The following FANCC variants were observed in gnomAD, a reference collection of about 807,000 sequenced individuals.
FANCC encodes the protein Fanconi anemia group C protein.
FANCC carries 55 observed loss-of-function variants against 71.3 expected under a neutral mutation model. That is an observed-to-expected ratio of 0.77 (90% confidence interval 0.62 to 0.97). The LOEUF is 0.97. Among genes scored for constraint, FANCC ranks in the 50% least tolerant of loss-of-function variants. The probability of loss-of-function intolerance (pLI) is 0.00; values close to 1 mark genes in which losing one functional copy is unlikely to be tolerated. For missense variants in FANCC, 678 were observed against 670.9 expected (o/e 1.01, Z -0.12); for synonymous variants, 275 against 244.9 (o/e 1.12, Z -1.15).
In FANCC at chr9:95,172,054, G is replaced by A. The variant is rs1564720334; in HGVS notation, c.439C>T (p.Pro147Ser). Residue 147 changes from proline to serine, a missense_variant, in exon 5 of 15, where the codon CCT (proline) becomes TCT (serine). Physicochemically the swap from Pro to Ser is moderately conservative, Grantham distance 74. Coordinates refer to ENST00000289081, the MANE Select transcript of FANCC (RefSeq NM_000136.3). ...GLGYAPIDYY[P>S]GLLKNMVLSL... ...ATACTCACATTTTTAAGCAAACCAG[G>A]ATAGTAATCTATAGGTGCATACCCA... The A allele has an allele frequency of 4.4e-6, 7 of 1,606,492 alleles. No homozygotes were observed. The highest frequency in any genetic ancestry group is 6.0e-6 in the Non-Finnish European group (7 of 1,173,304).
intron 1 of FANCC, among the ~76,000 whole-genome samples, chr9:95,285,203 C>A (rs1459563987): frequency 2.0e-5 from 3 of 151,744 alleles, no homozygotes; most frequent in African/African-American, 7.3e-5. Context: ...TAATTAGGAG[C>A]CCTAGGGAGA....
At chr9:95,213,480 C>T (rs1330377589) in intron 4 of FANCC, among the ~76,000 whole-genome samples, 1 of 152,052 alleles carries the variant, frequency 6.6e-6, no homozygotes, top group African/African-American at 2.4e-5. Context: ...GAATAGAATA[C>T]AGAGTCCAAT....
chr9:95,099,621 G>C lies in FANCC; in HGVS notation c.*2086C>G, dbSNP rs1008479379. 4.3e-5 allele frequency: 10 copies of C among 231,428 alleles called. No homozygotes were observed. The highest frequency in any genetic ancestry group is 1.8e-4 in the South Asian group (1 of 5,488). 14.3% of individuals were successfully genotyped at this position (231,428 alleles called of 1,614,324 possible). On this transcript the variant is annotated 3_prime_UTR_variant, in exon 15 of 15. Coordinates refer to ENST00000289081, the MANE Select transcript of FANCC (RefSeq NM_000136.3). ...GCTCCCCACCTTTGAGCATCTCTCA[G>C]GCTGGGAAAGGGCAAAGGGCCACAT...
chr9:95,225,250 A>G (rs1244201208), intron 4 of FANCC, among the ~76,000 whole-genome samples: 1 of 152,250 alleles, frequency 6.6e-6, no homozygotes, highest in Admixed American at 6.5e-5. Context: ...GTGGCTATTC[A>G]TTAAGAAATA....
chr9:95,278,160 G>T (rs1020362124), intron 1 of FANCC, among the ~76,000 whole-genome samples: 1 of 152,134 alleles, frequency 6.6e-6, no homozygotes. Flanking sequence ...AACTACACAT[G>T]TTAAAGTAAT....
intron 4 of FANCC, among the ~76,000 whole-genome samples, chr9:95,175,563 C>T (rs1288287066): frequency 6.6e-6 from 1 of 152,198 alleles, no homozygotes; most frequent in Non-Finnish European, 1.5e-5. Flanking sequence ...TGTTCTCTTC[C>T]AACACCAAGT....
At chr9:95,136,980 C>A (rs866726027) in intron 7 of FANCC, among the ~76,000 whole-genome samples, 1 of 152,154 alleles carries the variant, frequency 6.6e-6, no homozygotes, top group Non-Finnish European at 1.5e-5. Flanking sequence ...ACCTGCACAT[C>A]CCAGACAGTG....
chr9:95,175,682 C>T (rs999081668), intron 4 of FANCC, among the ~76,000 whole-genome samples: 1 of 152,246 alleles, frequency 6.6e-6, no homozygotes, highest in African/African-American at 2.4e-5. Context: ...GCTGCGCTTA[C>T]TGCTGGACTC....
intron 14 of FANCC, 146 bp downstream of exon 14, chr9:95,106,920 C>T (rs1283389250): frequency 3.8e-6 from 3 of 790,436 alleles, no homozygotes; most frequent in Non-Finnish European, 4.3e-6. Context: ...GGGTCCATCC[C>T]AGCTGTCAAC....
chr9:95,211,247 G>A (rs775893744), intron 4 of FANCC, among the ~76,000 whole-genome samples: 7 of 152,188 alleles, frequency 4.6e-5, no homozygotes, highest in Non-Finnish European at 1.0e-4. Flanking sequence ...ATCGTGAGCA[G>A]AGCACAGAAG....
Position 95,100,958 on chromosome 9 carries a change from T to C in FANCC, c.*749A>G. The C allele has an allele frequency of 4.3e-6, 1 of 233,228 alleles. No homozygotes were observed. Among genetic ancestry groups the C allele is most frequent in the Non-Finnish European group, 8.5e-6 (1 of 118,060 alleles). The allele number at this position is 233,228 out of a possible 1,614,324, so 14.4% of individuals were successfully genotyped here. ...CCAATTCTTTATCAGGAATTTCCAATTCCCATTTCCATTTAACAAGAGAAC... is the reference window on the plus strand; with the variant it reads ...CCAATTCTTTATCAGGAATTTCCAACTCCCATTTCCATTTAACAAGAGAAC... On this transcript the variant is annotated 3_prime_UTR_variant, in exon 15 of 15. Coordinates refer to ENST00000289081, the MANE Select transcript of FANCC (RefSeq NM_000136.3).
intron 1 of FANCC, among the ~76,000 whole-genome samples, chr9:95,273,732 C>T (rs1425394076): frequency 1.3e-5 from 2 of 152,196 alleles, no homozygotes; most frequent in Non-Finnish European, 2.9e-5. Flanking sequence ...TCAAGGTCCC[C>T]ATTCTCAGGG....
intron 1 of FANCC, chr9:95,294,151 C>T (rs1834234613): frequency 6.2e-7 from 1 of 1,604,966 alleles, no homozygotes; most frequent in African/African-American, 1.3e-5. Flanking sequence ...TCTGCCTGCT[C>T]AGACATTGGA....
chr9:95,153,172 T>C lies in FANCC; in HGVS notation c.522-3085A>G, dbSNP rs1830275810. 2.0e-5 allele frequency among the ~76,000 whole-genome samples: 3 copies of C among 152,256 alleles called. No individual in the cohort carries two copies. In the South Asian group the frequency reaches 6.2e-4, roughly 31 times the overall value. ...TAATGGCCTCCAGCTCCATTCAAGT[T>C]GCTGCAAATATTATTTTGTTCCTTT... On this transcript the variant is annotated intron_variant, in intron 6 of 14. Transcript: ENST00000289081.
chr9:95,295,376 A>G (rs565034060), intron 1 of FANCC, among the ~76,000 whole-genome samples: 2 of 152,112 alleles, frequency 1.3e-5, no homozygotes, highest in African/African-American at 4.8e-5. Flanking sequence ...ACAAAACAAA[A>G]CAAAGCAAAA....
intron 4 of FANCC, among the ~76,000 whole-genome samples, chr9:95,230,937 T>G (rs938141484): frequency 3.3e-5 from 5 of 151,826 alleles, no homozygotes; most frequent in Non-Finnish European, 7.4e-5. Context: ...TTTTACAGAG[T>G]GCTGATTGGT....
chr9:95,162,590 C>A (rs1830817054), intron 6 of FANCC, among the ~76,000 whole-genome samples: 1 of 152,158 alleles, frequency 6.6e-6, no homozygotes, highest in African/African-American at 2.4e-5. Flanking sequence ...ACAAGGGTTC[C>A]AAGTACTCCA....
At chr9:95,293,295 C>G in intron 1 of FANCC, 1 of 1,613,596 alleles carries the variant, frequency 6.2e-7, no homozygotes. Context: ...TTTGTGCCTA[C>G]AGCCGACTCC....
chr9:95,155,968 C>A (rs1830445879), intron 6 of FANCC, among the ~76,000 whole-genome samples: 1 of 151,508 alleles, frequency 6.6e-6, no homozygotes, highest in African/African-American at 2.4e-5. Flanking sequence ...TCAAGCAATC[C>A]TCCCACCCTG....
Sources: allele counts gnomAD v4.1 joint callset (sites outside exome capture counted in the v4.1 genomes callset), GRCh38; gene constraint gnomAD v4.1.1; transcripts MANE v1.5; gene names NCBI Gene and HGNC (gene_info 2026-07-23, HGNC 2026-07-21).